DOCK8: variants seen among roughly 807,000 people sequenced by gnomAD.
DOCK8 encodes dedicator of cytokinesis protein 8.
Under a neutral mutation model 245.6 loss-of-function variants are expected in DOCK8, and 141 were observed. That is an observed-to-expected ratio of 0.57 (90% CI 0.50 to 0.66). The LOEUF (loss-of-function observed/expected upper bound fraction) is 0.66. DOCK8 is among the 30% of genes least tolerant of loss of function. The probability of loss-of-function intolerance (pLI) is 0.00; values close to 1 mark genes in which losing one functional copy is unlikely to be tolerated. For synonymous variants in DOCK8, 1,168 were observed against 970.2 expected, an observed-to-expected ratio of 1.20 and a Z score of -3.79; for missense variants, 2,965 against 2,603.4, an observed-to-expected ratio of 1.14 and a Z score of -3.02.
intron 18 of DOCK8, among the ~76,000 whole-genome samples, chr9:375,669 C>T (rs2053484763): frequency 6.6e-6 from 1 of 152,060 alleles, no homozygotes; most frequent in Non-Finnish European, 1.5e-5. Context: ...AACACTAAGG[C>T]CCAGAAAGTT....
intron 14 of DOCK8, among the ~76,000 whole-genome samples, chr9:364,851 G>A (rs1013075689): frequency 6.6e-6 from 1 of 152,272 alleles, no homozygotes. Context: ...ATAATCATAT[G>A]ATTATGAAAG....
chr9:416,097 A>T (rs2055993815), intron 29 of DOCK8, among the ~76,000 whole-genome samples: 1 of 152,158 alleles, frequency 6.6e-6, no homozygotes, highest in African/African-American at 2.4e-5. Context: ...CTCAGAAGAG[A>T]AAGGTTGAGA....
At chr9:454,662 A>G (rs1479147279) in intron 46 of DOCK8, 1 of 152,246 alleles carries the variant, frequency 6.6e-6, no homozygotes, top group Non-Finnish European at 1.5e-5. Flanking sequence ...GAGGCTCTGA[A>G]TACAATTTAA....
intron 1 of DOCK8, among the ~76,000 whole-genome samples, chr9:239,775 A>G (rs1213152150): frequency 6.6e-6 from 1 of 152,242 alleles, no homozygotes; most frequent in Admixed American, 6.5e-5. Flanking sequence ...ACATACTTCT[A>G]CAAAACTGGA....
chr9:379,534 A>G (rs2053653783), intron 20 of DOCK8, among the ~76,000 whole-genome samples: 1 of 152,160 alleles, frequency 6.6e-6, no homozygotes, highest in Non-Finnish European at 1.5e-5. Context: ...TGTCTTTGTC[A>G]TTAAAAACCA....
intron 1 of DOCK8, among the ~76,000 whole-genome samples, chr9:243,528 G>A (rs953855296): frequency 1.3e-5 from 2 of 152,178 alleles, no homozygotes; most frequent in African/African-American, 4.8e-5. Flanking sequence ...ATCAAGGGAA[G>A]AAGAAAGATC....
rs1233084944 is a variant in DOCK8 at position 334,269 on chromosome 9, C to T, written c.1170C>T (p.Phe390=). 5.6e-6 allele frequency: 9 copies of T among 1,614,218 alleles called. No individual in the cohort carries two copies. In the South Asian group the frequency reaches 6.6e-5, roughly 12 times the overall value. Residue 390 remains phenylalanine (F), a synonymous_variant, in exon 11 of 48, where the codon TTC becomes TTT. Coordinates refer to ENST00000432829, the MANE Select transcript of DOCK8 (RefSeq NM_203447.4). ...IEKLKLQAES[F]CQRLGKYRMP... ...AACTAAAACTCCAAGCTGAATCCTT[C>T]TGCCAGCGTTTGGGGAAATACCGGA...
rs764918764 is a variant in DOCK8 at position 426,895 on chromosome 9, G to A, written c.4252G>A (p.Glu1418Lys). 2.5e-5 allele frequency: 41 copies of A among 1,613,938 alleles called. No homozygotes were observed. The highest frequency in any genetic ancestry group is 1.6e-4 in the Middle Eastern group (1 of 6,084). The stretch of plus-strand genomic sequence containing the variant: ...CTTGTTGTTTCCTAGAACAAAGGCC[G>A]AGTTAGATCAAGAAGCCTTGATCAG... ...ANEKLDKTKAELDQEALISGN... is the reference protein window; with the variant it reads ...ANEKLDKTKAKLDQEALISGN... Residue 1418 changes from glutamate to lysine, a missense_variant, in exon 34 of 48, where the codon GAG (glutamate) becomes AAG (lysine). Physicochemically the swap from Glu to Lys is moderately conservative, Grantham distance 56. This residue lies in a region of DOCK8 where 2,825 missense variants were observed against 2,453.5 expected (regional missense o/e 1.15). Coordinates refer to ENST00000432829, the MANE Select transcript of DOCK8 (RefSeq NM_203447.4).
intron 7 of DOCK8, among the ~76,000 whole-genome samples, chr9:317,549 A>G (rs1271679507): frequency 6.6e-6 from 1 of 152,242 alleles, no homozygotes; most frequent in Non-Finnish European, 1.5e-5. Flanking sequence ...ACAATGTAGA[A>G]ATCAGCCAAT....
At chr9:247,828 G>C (rs916741025) in intron 1 of DOCK8, among the ~76,000 whole-genome samples, 1 of 152,000 alleles carries the variant, frequency 6.6e-6, no homozygotes, top group African/African-American at 2.4e-5. Flanking sequence ...AGAAATGTTT[G>C]TTTCAAAAGT....
intron 1 of DOCK8, among the ~76,000 whole-genome samples, chr9:258,971 C>T (rs937842223): frequency 2.0e-5 from 3 of 148,926 alleles, no homozygotes; most frequent in Non-Finnish European, 3.0e-5. Flanking sequence ...TGTCATAAAT[C>T]TATGGTAACC....
intron 22 of DOCK8, among the ~76,000 whole-genome samples, chr9:384,803 C>G (rs1340568295): frequency 3.9e-5 from 6 of 152,154 alleles, no homozygotes; most frequent in Non-Finnish European, 8.8e-5. Context: ...GTAATCCCAG[C>G]TACTCAGGAG....
intron 14 of DOCK8, among the ~76,000 whole-genome samples, chr9:354,930 C>T (rs967896091): frequency 6.6e-6 from 1 of 152,126 alleles, no homozygotes; most frequent in African/African-American, 2.4e-5. Context: ...TGACTTTTGT[C>T]ACTACATCAG....
intron 4 of DOCK8, among the ~76,000 whole-genome samples, chr9:301,814 G>A (rs1361252400): frequency 2.0e-5 from 3 of 152,062 alleles, no homozygotes; most frequent in African/African-American, 7.2e-5. Context: ...TCTACAATGA[G>A]AATTATGAAA....
chr9:228,794 G>A (rs992536425), intron 1 of DOCK8, among the ~76,000 whole-genome samples: 1 of 152,172 alleles, frequency 6.6e-6, no homozygotes, highest in Non-Finnish European at 1.5e-5. Context: ...GCTGGGCTCA[G>A]CTGGACAGTT....
intron 28 of DOCK8, among the ~76,000 whole-genome samples, chr9:408,150 G>C (rs939632208): frequency 5.3e-5 from 8 of 152,174 alleles, no homozygotes; most frequent in African/African-American, 7.2e-5. Context: ...TGTTATGGAT[G>C]GATTTTTATC....
chr9:441,649 A>C (rs144468661), intron 41 of DOCK8, among the ~76,000 whole-genome samples: 7 of 152,350 alleles, frequency 4.6e-5, no homozygotes, highest in African/African-American at 1.7e-4. Flanking sequence ...AGAAATTTTT[A>C]AGTGTAATTA....
intron 28 of DOCK8, among the ~76,000 whole-genome samples, chr9:411,142 G>C (rs933726658): frequency 6.6e-6 from 1 of 152,208 alleles, no homozygotes; most frequent in African/African-American, 2.4e-5. Flanking sequence ...GCTGGGCGCA[G>C]TGGCTCATAC....
At chr9:360,938 C>T (rs953759816) in intron 14 of DOCK8, among the ~76,000 whole-genome samples, 5 of 152,160 alleles carry the variant, frequency 3.3e-5, no homozygotes, top group African/African-American at 1.2e-4. Flanking sequence ...GGCATGAGGA[C>T]CACTTGAGCC....
Sources: gnomAD v4.1 joint callset for allele counts (sites outside exome capture counted in the v4.1 genomes callset) on GRCh38, gnomAD v4.1.1 for gene constraint, gnomAD v4.1.1 regional missense constraint, MANE v1.5 for transcripts, NCBI Gene and HGNC (gene_info 2026-07-23, HGNC 2026-07-21) for gene names.